PPP2R2A: variants seen among roughly 807,000 people sequenced by gnomAD.
PPP2R2A encodes serine/threonine-protein phosphatase 2A 55 kDa regulatory subunit B alpha isoform.
A neutral mutation model predicts 53.2 loss-of-function variants in PPP2R2A; 9 were observed. That is an observed-to-expected ratio of 0.17 (90% CI 0.10 to 0.30). PPP2R2A has a LOEUF of 0.30. Ranked by LOEUF, PPP2R2A falls within the 10% of genes least tolerant of loss-of-function variation. The pLI, the probability that PPP2R2A is intolerant of heterozygous loss-of-function variation, is 1.00. For missense variants in PPP2R2A, 235 were observed against 534.6 expected (o/e 0.44, Z 5.53); for synonymous variants, 169 against 174.2 (o/e 0.97, Z 0.23).
chr8:26,355,587 G>C (rs970471479), intron 4 of PPP2R2A, among the ~76,000 whole-genome samples: 1 of 152,056 alleles, frequency 6.6e-6, no homozygotes, highest in African/African-American at 2.4e-5. Flanking sequence ...ATGACAGGCC[G>C]GGCGTGGTGG....
intron 2 of PPP2R2A, among the ~76,000 whole-genome samples, chr8:26,328,186 T>G (rs1181157208): frequency 6.6e-6 from 1 of 152,222 alleles, no homozygotes; most frequent in Non-Finnish European, 1.5e-5. Flanking sequence ...GATAGACATT[T>G]TAGTCATAAC....
At chr8:26,366,655 C>T (rs1317272971) in intron 9 of PPP2R2A, among the ~76,000 whole-genome samples, 1 of 152,024 alleles carries the variant, frequency 6.6e-6, no homozygotes, top group African/African-American at 2.4e-5. Flanking sequence ...AACCAGATCA[C>T]ATTTCTGACA....
At chr8:26,345,378 G>A (rs1463760916) in intron 3 of PPP2R2A, among the ~76,000 whole-genome samples, 1 of 151,914 alleles carries the variant, frequency 6.6e-6, no homozygotes, top group East Asian at 1.9e-4. Context: ...AATTCATTAT[G>A]CTCGATGTAG....
intron 2 of PPP2R2A, among the ~76,000 whole-genome samples, chr8:26,327,701 A>G (rs1803165104): frequency 6.6e-6 from 1 of 152,210 alleles, no homozygotes; most frequent in African/African-American, 2.4e-5. Context: ...CATTTTATAG[A>G]TGTATTATCC....
chr8:26,343,222 T>G (rs1169558869), intron 3 of PPP2R2A, among the ~76,000 whole-genome samples: 1 of 152,070 alleles, frequency 6.6e-6, no homozygotes, highest in Non-Finnish European at 1.5e-5. Context: ...TCTATCCTGC[T>G]CCTCAAGATT....
intron 3 of PPP2R2A, among the ~76,000 whole-genome samples, chr8:26,349,949 G>T (rs1443775902): frequency 6.6e-6 from 1 of 152,158 alleles, no homozygotes; most frequent in Non-Finnish European, 1.5e-5. Flanking sequence ...TTTTATTCTT[G>T]TGAACAGTAT....
In PPP2R2A at chr8:26,366,386, T is replaced by C; in HGVS notation, c.1044T>C (p.Cys348=). ...ENDCIFDKFE[C]CWNGSDSVVM... ...ACTGCATATTTGACAAATTTGAATG[T>C]TGTTGGAATGGATCTGACAGGTAAT... Residue 348 remains cysteine (C), a synonymous_variant, in exon 9 of 10, where the codon TGT becomes TGC. Coordinates refer to ENST00000380737, the MANE Select transcript of PPP2R2A (RefSeq NM_002717.4). 6.3e-7 allele frequency: 1 copy of C among 1,597,374 alleles called. No individual in the cohort carries two copies. The highest frequency in any genetic ancestry group is 2.3e-5 in the East Asian group (1 of 44,026).
At chr8:26,329,457 T>G (rs887844376) in intron 2 of PPP2R2A, among the ~76,000 whole-genome samples, 2 of 152,216 alleles carry the variant, frequency 1.3e-5, no homozygotes, top group African/African-American at 4.8e-5. Context: ...CATAAAAATT[T>G]ATGACTGTTA....
chr8:26,319,294 C>G (rs1187864476), intron 2 of PPP2R2A, among the ~76,000 whole-genome samples: 1 of 152,126 alleles, frequency 6.6e-6, no homozygotes, highest in African/African-American at 2.4e-5. Flanking sequence ...CTGTTCAAGT[C>G]CCTGCTTTGA....
chr8:26,311,698 A>C (rs550858748), intron 2 of PPP2R2A, among the ~76,000 whole-genome samples: 3 of 152,320 alleles, frequency 2.0e-5, no homozygotes, highest in South Asian at 4.1e-4. Context: ...TGAACGAAAA[A>C]TAATGTGTGA....
At chr8:26,296,777 AG>A (rs1317735598) in intron 2 of PPP2R2A, among the ~76,000 whole-genome samples, 1 of 152,222 alleles carries the variant, frequency 6.6e-6, no homozygotes. Context: ...AAATGGTAAA[AG>A]GCAGGATGAT....
intron 2 of PPP2R2A, among the ~76,000 whole-genome samples, chr8:26,313,448 G>A (rs1395963560): frequency 6.6e-6 from 1 of 152,160 alleles, no homozygotes; most frequent in Non-Finnish European, 1.5e-5. Flanking sequence ...GCTCCTCCCA[G>A]CTTTCTTGGT....
intron 2 of PPP2R2A, among the ~76,000 whole-genome samples, chr8:26,327,322 C>T (rs754414381): frequency 6.6e-6 from 1 of 152,170 alleles, no homozygotes; most frequent in African/African-American, 2.4e-5. Flanking sequence ...CCTTCAGCCT[C>T]AGGTTACAGG....
chr8:26,326,273 C>G (rs1803080314), intron 2 of PPP2R2A, among the ~76,000 whole-genome samples: 1 of 152,150 alleles, frequency 6.6e-6, no homozygotes, highest in Non-Finnish European at 1.5e-5. Context: ...TGCTTAGGTT[C>G]CTCCCAGTTC....
At position 26,295,193 on chromosome 8, in the gene PPP2R2A, C is replaced by A. The variant is rs547668879; in HGVS notation, c.82+1453C>A. Among the ~76,000 whole-genome samples the A allele has an allele frequency of 3.3e-5, 5 of 152,258 alleles. No individual in the cohort carries two copies. The East Asian group carries it at 9.6e-4, about 29-fold the overall frequency. On this transcript the variant is annotated intron_variant, in intron 2 of 9. Transcript: ENST00000380737. Reference sequence around the variant, plus strand: ...TCCATTTATTCCCTTAGGAAAGTTCCCCTAAATGCTGAGCACTGAGGGTAC... The same window carrying A: ...TCCATTTATTCCCTTAGGAAAGTTCACCTAAATGCTGAGCACTGAGGGTAC...
intron 2 of PPP2R2A, among the ~76,000 whole-genome samples, chr8:26,334,888 A>G (rs1221711749): frequency 1.3e-5 from 2 of 152,222 alleles, no homozygotes; most frequent in Non-Finnish European, 2.9e-5. Context: ...ATTATTTTCT[A>G]AAAACCTGGA....
chr8:26,365,022 C>A (rs1805295262), intron 8 of PPP2R2A: 1 of 152,194 alleles, frequency 6.6e-6, no homozygotes, highest in Non-Finnish European at 1.5e-5. Context: ...TAGTTACCCT[C>A]ACCATCATTT....
At chr8:26,339,318 A>G (rs1803822448) in intron 3 of PPP2R2A, among the ~76,000 whole-genome samples, 1 of 152,202 alleles carries the variant, frequency 6.6e-6, no homozygotes, top group South Asian at 2.1e-4. Flanking sequence ...GAAACTCCGT[A>G]AAGCAAAGTT....
chr8:26,367,659 A>G (rs936844034), intron 9 of PPP2R2A, among the ~76,000 whole-genome samples: 7 of 152,340 alleles, frequency 4.6e-5, no homozygotes, highest in South Asian at 4.1e-4. Context: ...CCACATGGGA[A>G]TTTATTCCAT....
Sources: gnomAD v4.1 joint callset for allele counts (sites outside exome capture counted in the v4.1 genomes callset) on GRCh38, gnomAD v4.1.1 for gene constraint, MANE v1.5 for transcripts, NCBI Gene and HGNC (gene_info 2026-07-23, HGNC 2026-07-21) for gene names.